Variants in KDM3B observed in about 807,000 individuals in gnomAD.
The protein encoded by KDM3B is lysine-specific demethylase 3B.
In KDM3B, 10 loss-of-function variants were observed where a neutral mutation model predicts 170.0. The observed-to-expected ratio is 0.06, with a 90% CI of 0.04 to 0.10. The LOEUF (loss-of-function observed/expected upper bound fraction) is 0.10. KDM3B is among the 10% of genes least tolerant of loss of function. The pLI is 1.00. For synonymous variants in KDM3B, 831 were observed against 834.8 expected (o/e 1.00, Z 0.08); for missense variants, 1,394 against 2,195.2 (o/e 0.64, Z 7.29).
intron 6 of KDM3B, 37 bp downstream of exon 6, chr5:138,381,627 A>G (rs779815090): frequency 7.7e-7 from 1 of 1,291,742 alleles, no homozygotes; most frequent in South Asian, 1.2e-5. Flanking sequence ...CAGACTCATG[A>G]GCTTGCATTA....
chr5:138,385,927 C>A, intron 6 of KDM3B, 95 bp from the exon 7 acceptor site: 2 of 1,433,516 alleles, frequency 1.4e-6, no homozygotes, highest in Non-Finnish European at 9.4e-7. Flanking sequence ...TCTATGCCTG[C>A]TTTGTCTGCT....
chr5:138,411,264 A>T (rs1166879120), intron 11 of KDM3B, among the ~76,000 whole-genome samples: 1 of 152,112 alleles, frequency 6.6e-6, no homozygotes, highest in Non-Finnish European at 1.5e-5. Context: ...TTCTAGTCAT[A>T]CCTCACTATG....
At chr5:138,403,504 C>T (rs907539941) in intron 11 of KDM3B, among the ~76,000 whole-genome samples, 10 of 151,774 alleles carry the variant, frequency 6.6e-5, no homozygotes, top group African/African-American at 2.4e-5. Context: ...GTTGAAACCC[C>T]GTCTGCATGA....
Position 138,423,612 on chromosome 5 carries a change from C to G in KDM3B, c.3973-463C>G, listed in dbSNP as rs1227617168. On this transcript the variant is annotated intron_variant, in intron 15 of 23. Coordinates refer to ENST00000314358, the MANE Select transcript of KDM3B (RefSeq NM_016604.4). The stretch of plus-strand genomic sequence containing the variant: ...CTCTGCTACACCCTTCATTGAGGTA[C>G]TCCCTGGTAGAAAACCATTGCCTTG... Among the ~76,000 whole-genome samples the G allele has an allele frequency of 3.3e-5, 5 of 152,306 alleles. No homozygotes were observed. The South Asian group carries it at 1.0e-3, about 32-fold the overall frequency.
chr5:138,399,478 C>T lies in KDM3B; in HGVS notation c.3047-382C>T, dbSNP rs960377153. On this transcript the variant is annotated intron_variant, in intron 10 of 23. Coordinates refer to ENST00000314358, the MANE Select transcript of KDM3B (RefSeq NM_016604.4). ...GTATGAACCCGGGAGGCGGAGCTTG[C>T]AGTGAGCCAAGATCGCGCCACTGCA... Among the ~76,000 whole-genome samples, 17 of 151,808 alleles carry T rather than the reference C, an allele frequency of 1.1e-4. 2 individuals carry two copies. The highest frequency in any genetic ancestry group is 9.8e-4 in the Admixed American group (15 of 15,236).
At chr5:138,402,463 G>A (rs1762716868) in intron 11 of KDM3B, among the ~76,000 whole-genome samples, 4 of 152,158 alleles carry the variant, frequency 2.6e-5, no homozygotes, top group Admixed American at 2.6e-4. Flanking sequence ...TAATCCTGCA[G>A]AGCCTCAGTT....
intron 1 of KDM3B, among the ~76,000 whole-genome samples, chr5:138,366,212 C>T (rs1011520826): frequency 6.6e-6 from 1 of 151,990 alleles, no homozygotes; most frequent in African/African-American, 2.4e-5. Context: ...TTATTTATTC[C>T]ATAGTATAAG....
intron 17 of KDM3B, 113 bp from the exon 18 acceptor site, chr5:138,426,862 C>CAAA: frequency 5.6e-5 from 31 of 552,236 alleles, no homozygotes; most frequent in Non-Finnish European, 6.8e-5. Context: ...GACTCTGTCT[C>CAAA]AAAAAAAAAA....
intron 11 of KDM3B, among the ~76,000 whole-genome samples, chr5:138,407,758 G>A (rs1310262617): frequency 6.6e-6 from 1 of 152,036 alleles, no homozygotes; most frequent in Non-Finnish European, 1.5e-5. Context: ...CTCTTAGATC[G>A]GCCCCAGGAG....
chr5:138,372,059 G>A (rs1761888142), intron 1 of KDM3B, among the ~76,000 whole-genome samples: 1 of 152,148 alleles, frequency 6.6e-6, no homozygotes, highest in African/African-American at 2.4e-5. Flanking sequence ...GTTGCAGTGA[G>A]CTGAGATCAC....
At position 138,379,403 on chromosome 5, in the gene KDM3B, T is replaced by G. The variant is rs535171914; in HGVS notation, c.581-181T>G. Among the ~76,000 whole-genome samples, 3 of 152,262 alleles carry G rather than the reference T, an allele frequency of 2.0e-5. No individual in the cohort carries two copies. The South Asian group carries it at 6.2e-4, about 32-fold the overall frequency. On this transcript the variant is annotated intron_variant, in intron 4 of 23. Coordinates refer to ENST00000314358, the MANE Select transcript of KDM3B (RefSeq NM_016604.4). ...TACAAAGACCACTGGAAGAAACCAT[T>G]CAGGTTTTGTTTTTAAATTGCTCAG... is the stretch of plus-strand genomic sequence containing the variant.
chr5:138,393,707 T>C (rs1293905879), intron 9 of KDM3B, among the ~76,000 whole-genome samples: 1 of 152,198 alleles, frequency 6.6e-6, no homozygotes, highest in Non-Finnish European at 1.5e-5. Flanking sequence ...TCTACCTGAC[T>C]GCTTATTCCT....
intron 1 of KDM3B, among the ~76,000 whole-genome samples, chr5:138,369,879 T>C (rs1176649731): frequency 6.6e-6 from 1 of 152,224 alleles, no homozygotes; most frequent in African/African-American, 2.4e-5. Flanking sequence ...AAGAAAGATG[T>C]GTCATATCAC....
chr5:138,360,811 C>T (rs766361613), intron 1 of KDM3B, among the ~76,000 whole-genome samples: 1 of 152,034 alleles, frequency 6.6e-6, no homozygotes, highest in Non-Finnish European at 1.5e-5. Flanking sequence ...AGGCTGGTCT[C>T]GAACTCCTGA....
At position 138,415,175 on chromosome 5, in the gene KDM3B, G is replaced by A; in HGVS notation, c.3243G>A (p.Lys1081=). The A allele has an allele frequency of 3.1e-6, 5 of 1,610,026 alleles. No homozygotes were observed. Among genetic ancestry groups the A allele is most frequent in the Non-Finnish European group, 4.2e-6 (5 of 1,177,070 alleles). ...ATGAAGAAGTTTTCTCCTGGTTGAA[G>A]TGTGCAAAGGGACAGTCCCACGAAC... ...MGDEEVFSWL[K]CAKGQSHEPE... Residue 1081 remains lysine (K), a synonymous_variant, in exon 12 of 24, where the codon AAG becomes AAA. Transcript: ENST00000314358.
chr5:138,424,953 G>A (rs1763358076), intron 16 of KDM3B, among the ~76,000 whole-genome samples: 1 of 152,198 alleles, frequency 6.6e-6, no homozygotes, highest in South Asian at 2.1e-4. Context: ...GTGATTTTAA[G>A]ATGGGGCAGA....
In KDM3B at chr5:138,375,131, T is replaced by C. The variant is rs1460857707; in HGVS notation, c.399T>C (p.Ser133=). 1 of 1,613,690 alleles carries C rather than the reference T, an allele frequency of 6.2e-7. No individual in the cohort carries two copies. ...TTGTAGATAAACTGGGTTTGGGTTC[T>C]GTGGTTCCAGTGGAATATCTTCTGG... ...TPLVDKLGLG[S]VVPVEYLLDR... The change falls in exon 3 of 24, where the codon TCT becomes TCC. Residue 133 remains serine (S), a synonymous_variant. Coordinates refer to ENST00000314358, the MANE Select transcript of KDM3B (RefSeq NM_016604.4).
intron 8 of KDM3B, among the ~76,000 whole-genome samples, 173 bp downstream of exon 8, chr5:138,392,434 T>C (rs1299544843): frequency 6.6e-6 from 1 of 152,230 alleles, no homozygotes. Context: ...CAGGGCAGGA[T>C]TGCATCTAAA....
intron 3 of KDM3B, among the ~76,000 whole-genome samples, chr5:138,376,885 G>A (rs1040685229): frequency 1.3e-5 from 2 of 152,044 alleles, no homozygotes; most frequent in South Asian, 2.1e-4. Context: ...ACAAACCAGC[G>A]TCTGAGTTAT....
Sources: allele counts gnomAD v4.1 joint callset (sites outside exome capture counted in the v4.1 genomes callset), GRCh38; gene constraint gnomAD v4.1.1; transcripts MANE v1.5; gene names NCBI Gene and HGNC (gene_info 2026-07-23, HGNC 2026-07-21).